Variants in NEMP2 observed in about 807,000 individuals in gnomAD.
NEMP2 encodes nuclear envelope integral membrane protein 2, also known as UPF0571 transmembrane protein.
A neutral mutation model predicts 54.2 loss-of-function variants in NEMP2; 53 were observed. The ratio of observed to expected loss-of-function variants is 0.98; its 90% confidence interval spans 0.78 to 1.23. The LOEUF is 1.23. NEMP2 is among the 50% of genes most tolerant of loss of function. NEMP2 has a pLI of 0.00. For synonymous variants in NEMP2, 197 were observed against 190.3 expected, an observed-to-expected ratio of 1.04 and a Z score of -0.29; for missense variants, 455 against 511.3, an observed-to-expected ratio of 0.89 and a Z score of 1.06.
the NEMP2 span, among the ~76,000 whole-genome samples, chr2:190,428,613 T>C: frequency 2.6e-5 from 4 of 152,310 alleles, no homozygotes; most frequent in South Asian, 8.3e-4. Flanking sequence ...GTGCATCTCC[T>C]TTGAGTATCA....
At chr2:190,642,212 TTTG>T in the NEMP2 span, among the ~76,000 whole-genome samples, 12 of 152,116 alleles carry the variant, frequency 7.9e-5, no homozygotes, top group African/African-American at 2.9e-4. The surrounding 1 kb of genome is among the most constrained non-coding windows in gnomAD (Gnocchi z 4.1). Context: ...GGGTTTTTTT[TTTG>T]TTGTTGTTGT....
At chr2:190,543,820 A>G in the NEMP2 span, among the ~76,000 whole-genome samples, 1 of 152,246 alleles carries the variant, frequency 6.6e-6, no homozygotes, top group Non-Finnish European at 1.5e-5. The surrounding 1 kb of genome is among the most constrained non-coding windows in gnomAD (Gnocchi z 4.7). Flanking sequence ...GAAAAAGATG[A>G]CAATTCAATT....
At chr2:190,438,673 G>A in the NEMP2 span, among the ~76,000 whole-genome samples, 9 of 152,292 alleles carry the variant, frequency 5.9e-5, no homozygotes, top group Admixed American at 4.6e-4. The surrounding 1 kb of genome is among the most constrained non-coding windows in gnomAD (Gnocchi z 5.2). Flanking sequence ...AGAAAAGTAC[G>A]ACATGTCTGT....
chr2:190,603,569 A>T, the NEMP2 span, among the ~76,000 whole-genome samples: 1 of 146,330 alleles, frequency 6.8e-6, no homozygotes, highest in Non-Finnish European at 1.5e-5. Flanking sequence ...CTCCTGGGGC[A>T]GTGTCTGGCA....
the NEMP2 span, among the ~76,000 whole-genome samples, chr2:190,487,289 T>C: frequency 6.6e-6 from 1 of 152,160 alleles, no homozygotes; most frequent in East Asian, 1.9e-4. The surrounding 1 kb of genome is among the most constrained non-coding windows in gnomAD (Gnocchi z 5.5). Context: ...TGCAGTGAGC[T>C]GAGGTCGTGC....
chr2:190,591,543 A>C, the NEMP2 span, among the ~76,000 whole-genome samples: 1 of 152,134 alleles, frequency 6.6e-6, no homozygotes, highest in African/African-American at 2.4e-5. This position sits in a 1 kb window ranked among gnomAD's most constrained non-coding sequence, Gnocchi z 5.4. Context: ...GGTAAAGTAA[A>C]AGAGCTGTTT....
At position 190,530,768 on chromosome 2, in the gene NEMP2, C is replaced by A. The variant is rs1325974622; in HGVS notation, c.97+3791G>T. Among the ~76,000 whole-genome samples the A allele has an allele frequency of 6.6e-6, 1 of 152,234 alleles. No individual in the cohort carries two copies. Among genetic ancestry groups the A allele is most frequent in the Non-Finnish European group, 1.5e-5 (1 of 68,040 alleles). On this transcript the variant is annotated intron_variant, in intron 1 of 8. Transcript: ENST00000409150. This position sits in a 1 kb window ranked among gnomAD's most constrained non-coding sequence, Gnocchi z 4.6. ...ACACTGAAGGCTATGAAGCTGCCTG[C>A]ATGTCTGCGGGTTTCATTTATTCAT...
At chr2:190,553,776 G>C in the NEMP2 span, among the ~76,000 whole-genome samples, 1 of 152,232 alleles carries the variant, frequency 6.6e-6, no homozygotes. Flanking sequence ...AGTGCTCCGA[G>C]AGGCAGAGAG....
At chr2:190,497,377 T>A in the NEMP2 span, 6 of 1,545,468 alleles carry the variant, frequency 3.9e-6, no homozygotes, top group Non-Finnish European at 5.3e-6. This position sits in a 1 kb window ranked among gnomAD's most constrained non-coding sequence, Gnocchi z 5.2. Context: ...TATTTATTTT[T>A]ACCTTTGTTC....
the NEMP2 span, among the ~76,000 whole-genome samples, chr2:190,467,155 G>A: frequency 6.6e-6 from 1 of 152,350 alleles, no homozygotes; most frequent in African/African-American, 2.4e-5. This position sits in a 1 kb window ranked among gnomAD's most constrained non-coding sequence, Gnocchi z 5.5. Context: ...ACTGGGGACA[G>A]CTTGGAATGA....
At chr2:190,599,907 T>C in the NEMP2 span, among the ~76,000 whole-genome samples, 4 of 152,074 alleles carry the variant, frequency 2.6e-5, no homozygotes, top group African/African-American at 9.7e-5. Context: ...GGGAGGACTA[T>C]CCTTGGCAAG....
At chr2:190,547,300 G>A in the NEMP2 span, among the ~76,000 whole-genome samples, 1 of 152,136 alleles carries the variant, frequency 6.6e-6, no homozygotes, top group African/African-American at 2.4e-5. This position sits in a 1 kb window ranked among gnomAD's most constrained non-coding sequence, Gnocchi z 6.2. Context: ...ATAAATGTGT[G>A]AAAATGGTAA....
At chr2:190,634,430 GAAAC>G in the NEMP2 span, among the ~76,000 whole-genome samples, 2 of 152,000 alleles carry the variant, frequency 1.3e-5, no homozygotes, top group African/African-American at 4.8e-5. The surrounding 1 kb of genome is among the most constrained non-coding windows in gnomAD (Gnocchi z 6.8). Context: ...CAAAATAAGA[GAAAC>G]AAACACATAG....
the NEMP2 span, chr2:190,437,661 G>A: frequency 2.2e-4 from 308 of 1,377,934 alleles, 1 homozygote; most frequent in South Asian, 2.8e-3. The surrounding 1 kb of genome is among the most constrained non-coding windows in gnomAD (Gnocchi z 5.9). Context: ...TATAATTTGT[G>A]TTGAGGATAG....
At chr2:190,604,012 T>G in the NEMP2 span, among the ~76,000 whole-genome samples, 2 of 152,228 alleles carry the variant, frequency 1.3e-5, no homozygotes, top group Non-Finnish European at 2.9e-5. The surrounding 1 kb of genome is among the most constrained non-coding windows in gnomAD (Gnocchi z 4.5). Context: ...CTTAATGAAC[T>G]GATTATAATT....
chr2:190,510,301 A>G lies in NEMP2; in HGVS notation c.1130+60T>C. Reference sequence around the variant, plus strand: ...CCTGAAGTGCCTGTACCAAACCATCATATTATTTTTTAAATCATTCTGAAC... The same window carrying G: ...CCTGAAGTGCCTGTACCAAACCATCGTATTATTTTTTAAATCATTCTGAAC... On this transcript the variant is annotated intron_variant, in intron 8 of 8. Transcript: ENST00000409150. The surrounding 1 kb of genome is among the most constrained non-coding windows in gnomAD (Gnocchi z 5.7). The G allele has an allele frequency of 1.3e-6, 2 of 1,533,468 alleles. No homozygotes were observed. Among genetic ancestry groups the G allele is most frequent in the Non-Finnish European group, 1.8e-6 (2 of 1,132,862 alleles). The allele number at this position is 1,533,468 out of a possible 1,614,324, so 95.0% of individuals were successfully genotyped here. A position where few individuals can be genotyped will look rare whatever the true frequency, so the allele number is the denominator to read the frequency against.
the NEMP2 span, among the ~76,000 whole-genome samples, chr2:190,589,887 C>T: frequency 6.6e-6 from 1 of 152,166 alleles, no homozygotes; most frequent in African/African-American, 2.4e-5. The surrounding 1 kb of genome is among the most constrained non-coding windows in gnomAD (Gnocchi z 4.3). Context: ...GGGCTGCAAA[C>T]TGTGGAGATA....
the NEMP2 span, among the ~76,000 whole-genome samples, chr2:190,481,692 A>G: frequency 6.6e-6 from 1 of 152,250 alleles, no homozygotes; most frequent in Non-Finnish European, 1.5e-5. Context: ...CATAATATAG[A>G]TGCTGAGTAA....
the NEMP2 span, among the ~76,000 whole-genome samples, chr2:190,476,819 G>A: frequency 6.6e-6 from 1 of 152,102 alleles, no homozygotes; most frequent in Non-Finnish European, 1.5e-5. Context: ...GTCCAACAGT[G>A]ATAGACTGGA....
Sources: allele counts gnomAD v4.1 joint callset (sites outside exome capture counted in the v4.1 genomes callset), GRCh38; gene constraint gnomAD v4.1.1; non-coding constraint Gnocchi (gnomAD v3.1); transcripts MANE v1.5; gene names NCBI Gene and HGNC (gene_info 2026-07-23, HGNC 2026-07-21).